The following SLC22A15 variants were observed in gnomAD, a reference collection of about 807,000 sequenced individuals.
SLC22A15 encodes the protein flipt 1.
In SLC22A15, 45 loss-of-function variants were observed where a neutral mutation model predicts 62.7. The observed-to-expected ratio is 0.72, with a 90% CI of 0.56 to 0.92. The LOEUF (loss-of-function observed/expected upper bound fraction) is 0.92. SLC22A15 is among the 40% of genes least tolerant of loss of function. The pLI is 0.00. For synonymous variants in SLC22A15, 264 were observed against 267.0 expected, an observed-to-expected ratio of 0.99 and a Z score of 0.11; for missense variants, 622 against 665.6, an observed-to-expected ratio of 0.93 and a Z score of 0.72.
chr1:116,046,588 C>T (rs368184331), intron 8 of SLC22A15, among the ~76,000 whole-genome samples: 2 of 152,162 alleles, frequency 1.3e-5, no homozygotes, highest in African/African-American at 4.8e-5. Flanking sequence ...GAACAGAGCG[C>T]TGTGTGGAGG....
intron 8 of SLC22A15, among the ~76,000 whole-genome samples, chr1:116,060,847 A>G (rs1658362857): frequency 6.6e-6 from 1 of 152,224 alleles, no homozygotes; most frequent in Non-Finnish European, 1.5e-5. Flanking sequence ...AAGAGCTAAC[A>G]TCGTCTTCCA....
chr1:115,983,790 G>T (rs10923927), intron 1 of SLC22A15, among the ~76,000 whole-genome samples: 1 of 152,160 alleles, frequency 6.6e-6, no homozygotes, highest in South Asian at 2.1e-4. Flanking sequence ...TTGCAGCCTC[G>T]TGACTGTGCC....
rs1213098424 is a variant in SLC22A15 at position 116,062,840 on chromosome 1, T to C, written c.1250T>C (p.Ile417Thr). The C allele has an allele frequency of 3.7e-6, 6 of 1,613,728 alleles. No homozygotes were observed. The African/African-American group carries it at 4.0e-5, about 11-fold the overall frequency. The change falls in exon 9 of 12, where the codon ATT becomes ACT. Residue 417 changes from isoleucine (I) to threonine (T), a missense_variant. Physicochemically the swap from Ile to Thr is moderately conservative, Grantham distance 89. Coordinates refer to ENST00000369503, the MANE Select transcript of SLC22A15 (RefSeq NM_018420.3). ...GKLTISAAFN[I>T]VYIYTSELYP... The stretch of plus-strand genomic sequence containing the variant: ...CTGACCATCAGTGCTGCCTTTAACA[T>C]TGTTTATATCTACACCTCTGAGCTT...
intron 2 of SLC22A15, among the ~76,000 whole-genome samples, chr1:115,996,885 C>T (rs78632315): frequency 0.018 from 2,740 of 151,106 alleles, 36 homozygotes; most frequent in Middle Eastern, 0.065. Context: ...TGCTTTTTGA[C>T]GATTCTTTGG....
intron 2 of SLC22A15, among the ~76,000 whole-genome samples, chr1:116,005,567 C>A (rs1369168041): frequency 6.6e-6 from 1 of 152,158 alleles, no homozygotes; most frequent in Non-Finnish European, 1.5e-5. Flanking sequence ...GTCTTGCAGG[C>A]TTGAGAAGTC....
intron 11 of SLC22A15, 94 bp downstream of exon 11, chr1:116,066,802 C>A: frequency 7.8e-7 from 1 of 1,278,234 alleles, no homozygotes; most frequent in Non-Finnish European, 1.1e-6. Flanking sequence ...CTGAGTAAAA[C>A]TGCTGGAAAA....
intron 2 of SLC22A15, among the ~76,000 whole-genome samples, chr1:116,016,678 C>T (rs1457141722): frequency 6.6e-6 from 1 of 152,110 alleles, no homozygotes; most frequent in African/African-American, 2.4e-5. Context: ...GTACCTAACA[C>T]CCCTTGCAGC....
rs528360571 is a variant in SLC22A15, at chr1:116,068,456, G to A, written c.*1348G>A. 6.6e-6 allele frequency: 1 copy of A among 152,446 alleles called. No homozygotes were observed. The highest frequency in any genetic ancestry group is 2.1e-4 in the South Asian group (1 of 4,824). 9.4% of individuals were successfully genotyped at this position (152,446 alleles called of 1,614,324 possible). A position where few individuals can be genotyped will look rare whatever the true frequency, so the allele number is the denominator to read the frequency against. On this transcript the variant is annotated 3_prime_UTR_variant, in exon 12 of 12. Transcript: ENST00000369503. The stretch of plus-strand genomic sequence containing the variant: ...AAGTGCTGGAAGCATCACCCCAATT[G>A]GCTCCAAATACTGTCATGTTTTCTT...
At chr1:115,981,390 TA>T (rs1449457628) in intron 1 of SLC22A15, among the ~76,000 whole-genome samples, 1 of 152,188 alleles carries the variant, frequency 6.6e-6, no homozygotes, top group African/African-American at 2.4e-5. Context: ...TGTCAAATTT[TA>T]TTTCAATTAG....
chr1:116,059,960 GT>G (rs1380118666), intron 8 of SLC22A15, among the ~76,000 whole-genome samples: 1 of 152,184 alleles, frequency 6.6e-6, no homozygotes, highest in African/African-American at 2.4e-5. Context: ...AAGTATACAA[GT>G]GTTTTTTGAG....
chr1:116,044,817 T>C (rs1056288136), intron 8 of SLC22A15, among the ~76,000 whole-genome samples: 8 of 152,142 alleles, frequency 5.3e-5, no homozygotes, highest in Non-Finnish European at 1.2e-4. Context: ...TTATGAAATA[T>C]GTATATGACT....
intron 2 of SLC22A15, among the ~76,000 whole-genome samples, chr1:116,018,254 A>G (rs1290491859): frequency 1.3e-5 from 2 of 152,238 alleles, no homozygotes; most frequent in African/African-American, 4.8e-5. Flanking sequence ...TCATATAAAT[A>G]GAATCATGCT....
intron 8 of SLC22A15, among the ~76,000 whole-genome samples, chr1:116,061,311 G>A (rs933723455): frequency 8.5e-5 from 13 of 152,190 alleles, no homozygotes; most frequent in Non-Finnish European, 4.4e-5. Flanking sequence ...AGGAAAGAGA[G>A]CATATTTCAT....
At chr1:116,009,961 A>G (rs1469778794) in intron 2 of SLC22A15, among the ~76,000 whole-genome samples, 1 of 152,210 alleles carries the variant, frequency 6.6e-6, no homozygotes, top group African/African-American at 2.4e-5. Flanking sequence ...TCTACCCTGC[A>G]CCTTATTACA....
At chr1:116,015,073 A>T (rs1473931164) in intron 2 of SLC22A15, 1 of 152,188 alleles carries the variant, frequency 6.6e-6, no homozygotes, top group East Asian at 1.9e-4. Context: ...CAATACTTGA[A>T]AAGTTTTTAA....
chr1:115,999,286 T>A (rs1455002433), intron 2 of SLC22A15, among the ~76,000 whole-genome samples: 1 of 152,188 alleles, frequency 6.6e-6, no homozygotes, highest in Non-Finnish European at 1.5e-5. Context: ...TTTGTAAATA[T>A]TTATTTGATC....
chr1:116,015,803 AC>A (rs2101263078), intron 2 of SLC22A15, among the ~76,000 whole-genome samples: 1 of 152,294 alleles, frequency 6.6e-6, no homozygotes, highest in East Asian at 1.9e-4. Flanking sequence ...GGTATTAAGA[AC>A]AAGTACAATT....
intron 2 of SLC22A15, among the ~76,000 whole-genome samples, chr1:115,993,010 T>C (rs967323835): frequency 2.0e-5 from 3 of 152,156 alleles, no homozygotes; most frequent in Admixed American, 6.5e-5. Flanking sequence ...CCACTTAGTA[T>C]GGTCAGGAAG....
At chr1:115,994,177 C>CCCA (rs376728877) in intron 2 of SLC22A15, among the ~76,000 whole-genome samples, 4 of 151,862 alleles carry the variant, frequency 2.6e-5, no homozygotes, top group East Asian at 1.9e-4. Context: ...AACCACCAGC[C>CCCA]CCACCACCAC....
Sources: allele counts gnomAD v4.1 joint callset (sites outside exome capture counted in the v4.1 genomes callset), GRCh38; gene constraint gnomAD v4.1.1; transcripts MANE v1.5; gene names NCBI Gene and HGNC (gene_info 2026-07-23, HGNC 2026-07-21).